Variants in CADM2 observed in about 807,000 individuals in gnomAD.
CADM2 encodes cell adhesion molecule 2, also known as immunoglobulin superfamily member 4D.
A neutral mutation model predicts 49.8 loss-of-function variants in CADM2; 12 were observed. The observed-to-expected ratio is 0.24, with a 90% confidence interval of 0.15 to 0.39. The LOEUF (loss-of-function observed/expected upper bound fraction) is 0.39, where lower values mean the gene tolerates loss of function less well. Ranked by LOEUF, CADM2 falls within the 10% of genes least tolerant of loss-of-function variation. The pLI, the probability that CADM2 is intolerant of heterozygous loss-of-function variation, is 1.00. For missense variants in CADM2, 378 were observed against 492.3 expected (o/e 0.77, Z 2.20); for synonymous variants, 214 against 175.4 (o/e 1.22, Z -1.74).
intron 1 of CADM2, among the ~76,000 whole-genome samples, chr3:85,256,092 G>A (rs531146720): frequency 3.5e-4 from 53 of 151,958 alleles, no homozygotes; most frequent in African/African-American, 1.2e-3. Context: ...CTTGATTCGT[G>A]ATCCCATTTC....
At chr3:85,868,123 A>G (rs1484355382) in intron 3 of CADM2, among the ~76,000 whole-genome samples, 1 of 152,034 alleles carries the variant, frequency 6.6e-6, no homozygotes, top group East Asian at 1.9e-4. Context: ...AAATTCAGAA[A>G]AGCTCAAAGA....
At chr3:85,147,406 T>G (rs2107639679) in intron 1 of CADM2, among the ~76,000 whole-genome samples, 1 of 152,120 alleles carries the variant, frequency 6.6e-6, no homozygotes, top group Admixed American at 6.6e-5. Context: ...GTGAGGTATT[T>G]TTTGAGAAAC....
chr3:85,984,593 T>A (rs964340229), intron 8 of CADM2, among the ~76,000 whole-genome samples: 4 of 151,834 alleles, frequency 2.6e-5, no homozygotes, highest in Non-Finnish European at 4.4e-5. Flanking sequence ...TGTTTTTACC[T>A]GCACAGGACA....
intron 1 of CADM2, among the ~76,000 whole-genome samples, chr3:85,520,047 G>A (rs1218693758): frequency 2.0e-5 from 3 of 151,804 alleles, no homozygotes; most frequent in Admixed American, 2.0e-4. Context: ...TATTGTCCCT[G>A]GAGACTATTA....
intron 1 of CADM2, among the ~76,000 whole-genome samples, chr3:85,645,456 T>C (rs905083350): frequency 1.3e-5 from 2 of 152,030 alleles, no homozygotes; most frequent in African/African-American, 2.4e-5. Context: ...AACAGTAAGT[T>C]TCCTCTCTCA....
intron 3 of CADM2, among the ~76,000 whole-genome samples, chr3:85,867,521 G>C (rs980737515): frequency 2.6e-5 from 4 of 151,908 alleles, no homozygotes; most frequent in Non-Finnish European, 4.4e-5. Context: ...AATGTATTTT[G>C]TTTGAAAGGA....
At chr3:85,076,433 C>T (rs1294316040) in intron 1 of CADM2, among the ~76,000 whole-genome samples, 2 of 151,686 alleles carry the variant, frequency 1.3e-5, no homozygotes, top group Non-Finnish European at 2.9e-5. Context: ...CGGCAACCTC[C>T]GCCTCCAGAG....
At chr3:85,919,882 T>C (rs1234537255) in intron 6 of CADM2, among the ~76,000 whole-genome samples, 1 of 151,926 alleles carries the variant, frequency 6.6e-6, no homozygotes, top group Non-Finnish European at 1.5e-5. Flanking sequence ...CAATATTCAA[T>C]ATAGATGGGT....
chr3:85,389,210 C>T (rs1390981743), intron 1 of CADM2, among the ~76,000 whole-genome samples: 1 of 152,002 alleles, frequency 6.6e-6, no homozygotes, highest in Non-Finnish European at 1.5e-5. Context: ...ACTTTGCACC[C>T]ACAATTTTGC....
At chr3:85,969,596 G>A (rs371811516) in intron 8 of CADM2, among the ~76,000 whole-genome samples, 1 of 150,802 alleles carries the variant, frequency 6.6e-6, no homozygotes, top group African/African-American at 2.4e-5. Context: ...AGCTATTTGT[G>A]TGTATGTACA....
intron 1 of CADM2, among the ~76,000 whole-genome samples, chr3:85,636,530 T>A (rs533108155): frequency 2.1e-3 from 320 of 152,160 alleles, no homozygotes; most frequent in African/African-American, 7.3e-3. Context: ...ATAGAAAATT[T>A]AAAAAATAAA....
intron 8 of CADM2, among the ~76,000 whole-genome samples, chr3:86,043,356 T>A (rs773217611): frequency 6.6e-6 from 1 of 152,184 alleles, no homozygotes; most frequent in Non-Finnish European, 1.5e-5. Context: ...AAAATCTCCT[T>A]AAGCTGATAA....
intron 1 of CADM2, among the ~76,000 whole-genome samples, chr3:85,475,902 T>A (rs543455426): frequency 6.6e-6 from 1 of 151,900 alleles, no homozygotes; most frequent in Admixed American, 6.6e-5. Context: ...AATTTGCCTA[T>A]CTAGAAATGC....
At chr3:86,066,080 T>C (rs1282850215) in intron 9 of CADM2, among the ~76,000 whole-genome samples, 2 of 152,044 alleles carry the variant, frequency 1.3e-5, no homozygotes, top group Non-Finnish European at 2.9e-5. Context: ...TGTAGCCATA[T>C]TTAGTGAGGA....
intron 1 of CADM2, among the ~76,000 whole-genome samples, chr3:85,363,558 C>A (rs1376821334): frequency 6.6e-6 from 1 of 151,988 alleles, no homozygotes. Context: ...AATAAACTTT[C>A]CACTATTTAT....
chr3:85,076,334 T>TGTGTGTGTGTG (rs762724087), intron 1 of CADM2, among the ~76,000 whole-genome samples: 2 of 150,938 alleles, frequency 1.3e-5, no homozygotes, highest in African/African-American at 2.4e-5. Context: ...TGTGTGTGTG[T>TGTGTGTGTGTG]GTGTGGTGTG....
rs1407741426 is a variant in CADM2, at chr3:86,067,861, A to G, written c.*1078A>G. 1 of 152,410 alleles carries G rather than the reference A, an allele frequency of 6.6e-6. No homozygotes were observed. The highest frequency in any genetic ancestry group is 1.5e-5 in the Non-Finnish European group (1 of 67,886). The allele number at this position is 152,410 out of a possible 1,614,324, so 9.4% of individuals were successfully genotyped here. ...GCACTGTTCAACAACAAATTTTTCTAGTTCTTGTTAATTTTTATTTGTTAT... is the reference window on the plus strand; with the variant it reads ...GCACTGTTCAACAACAAATTTTTCTGGTTCTTGTTAATTTTTATTTGTTAT... On this transcript the variant is annotated 3_prime_UTR_variant, in exon 10 of 10. Coordinates refer to ENST00000383699, the MANE Select transcript of CADM2 (RefSeq NM_001167675.2).
intron 1 of CADM2, among the ~76,000 whole-genome samples, chr3:85,554,885 T>A (rs1253841101): frequency 2.0e-5 from 3 of 146,436 alleles, no homozygotes; most frequent in Admixed American, 1.3e-4. Flanking sequence ...TATTTTTATT[T>A]TTTTTTTTTT....
chr3:85,845,379 A>T (rs1318593695), intron 3 of CADM2, among the ~76,000 whole-genome samples: 1 of 152,080 alleles, frequency 6.6e-6, no homozygotes, highest in Non-Finnish European at 1.5e-5. Context: ...CTCCCTCCGG[A>T]GACCACTCTC....
Sources: gnomAD v4.1 joint callset for allele counts (sites outside exome capture counted in the v4.1 genomes callset) on GRCh38, gnomAD v4.1.1 for gene constraint, MANE v1.5 for transcripts, NCBI Gene and HGNC (gene_info 2026-07-23, HGNC 2026-07-21) for gene names.